Variants in FLACC1 observed in about 807,000 individuals in gnomAD.
The protein encoded by FLACC1 is flagellum associated containing coiled-coil domains 1.
FLACC1 carries 66 observed loss-of-function variants against 62.8 expected under a neutral mutation model. The ratio of observed to expected loss-of-function variants is 1.05; its 90% CI spans 0.86 to 1.29. FLACC1 has a LOEUF of 1.29. Among genes scored for constraint, FLACC1 ranks in the 50% most tolerant of loss-of-function variants. The probability of loss-of-function intolerance (pLI) is 0.00; values close to 1 mark genes in which losing one functional copy is unlikely to be tolerated. For synonymous variants in FLACC1, 156 were observed against 161.0 expected (o/e 0.97, Z 0.24); for missense variants, 452 against 489.1 (o/e 0.92, Z 0.71).
At chr2:201,356,376 T>C (rs1026569903) in intron 1 of FLACC1, among the ~76,000 whole-genome samples, 1 of 152,184 alleles carries the variant, frequency 6.6e-6, no homozygotes, top group Non-Finnish European at 1.5e-5. Context: ...GCCAGGCTGG[T>C]CTCAAACTCC....
At chr2:201,341,613 C>T (rs1279188070) in intron 7 of FLACC1, among the ~76,000 whole-genome samples, 2 of 151,402 alleles carry the variant, frequency 1.3e-5, no homozygotes, top group Admixed American at 6.6e-5. Flanking sequence ...TAGAGTGGAA[C>T]AAATTAACAT....
intron 9 of FLACC1, among the ~76,000 whole-genome samples, chr2:201,318,990 CAG>C (rs1408694721): frequency 1.3e-5 from 2 of 152,022 alleles, no homozygotes; most frequent in Non-Finnish European, 2.9e-5. Flanking sequence ...AAATTGAGTG[CAG>C]TGTATACTGC....
At chr2:201,306,277 GCTCA>G (rs1385629100) in intron 11 of FLACC1, among the ~76,000 whole-genome samples, 2 of 151,916 alleles carry the variant, frequency 1.3e-5, no homozygotes, top group Admixed American at 1.3e-4. Context: ...TCTTTTGAGA[GCTCA>G]CTCACTATCA....
rs1559402621 is a variant in FLACC1, at chr2:201,322,262, T to TA, written c.675+8207_675+8208insT. 5.8e-3 allele frequency among the ~76,000 whole-genome samples: 542 copies of TA among 93,218 alleles called. 2 individuals are homozygous for TA. The highest frequency in any genetic ancestry group is 0.018 in the African/African-American group (423 of 23,550). The allele number at this position is 93,218 out of a possible 152,430, so 61.2% of individuals were successfully genotyped here. A position where few individuals can be genotyped will look rare whatever the true frequency, so the allele number is the denominator to read the frequency against. On this transcript the variant is annotated intron_variant, in intron 9 of 14. Transcript: ENST00000392257. Reference sequence around the variant, plus strand: ...CTGGGCAACAGAGTGAGATTCAGCCTCAAAAAAAAAAAAGAAAAAAAAAAC... The same window carrying TA: ...CTGGGCAACAGAGTGAGATTCAGCCTACAAAAAAAAAAAAGAAAAAAAAAAC...
chr2:201,341,602 C>T (rs906085877), intron 7 of FLACC1, among the ~76,000 whole-genome samples: 1 of 151,400 alleles, frequency 6.6e-6, no homozygotes, highest in African/African-American at 2.4e-5. Flanking sequence ...AAAAAGTTTA[C>T]TAGAGTGGAA....
At chr2:201,337,871 T>C (rs963527875) in intron 7 of FLACC1, among the ~76,000 whole-genome samples, 8 of 152,300 alleles carry the variant, frequency 5.3e-5, no homozygotes, top group East Asian at 1.9e-4. Context: ...AGATTTTTTT[T>C]CCCCACAGGA....
Position 201,350,733 on chromosome 2 carries a change from T to C in FLACC1, c.163A>G (p.Thr55Ala), listed in dbSNP as rs1251151297. The C allele has an allele frequency of 6.2e-6, 10 of 1,607,242 alleles. No homozygotes were observed. The highest frequency in any genetic ancestry group is 5.1e-5 in the Admixed American group (3 of 59,360). Reference protein sequence around the residue: ...APKNHNYLQPTKPVVSPKMKI... With the variant: ...APKNHNYLQPAKPVVSPKMKI... The stretch of plus-strand genomic sequence containing the variant: ...TACTTTGGGGAAACAACAGGTTTTG[T>C]TGGTTGGAGGTAATTGTGATTTTTT... Residue 55 changes from threonine (T) to alanine (A), a missense_variant, in exon 3 of 15, where the codon ACA (threonine) becomes GCA (alanine). By Grantham distance (58) the Thr-to-Ala change is moderately conservative (BLOSUM62 0). This residue lies in a region of FLACC1 where 147 missense variants were observed against 152.7 expected (regional missense o/e 0.96). Coordinates refer to ENST00000392257, the MANE Select transcript of FLACC1 (RefSeq NM_001127391.3).
At chr2:201,321,043 G>A (rs762633498) in intron 9 of FLACC1, among the ~76,000 whole-genome samples, 3 of 152,174 alleles carry the variant, frequency 2.0e-5, no homozygotes, top group Non-Finnish European at 4.4e-5. Context: ...TCCTGAGTTT[G>A]TCCACATGAC....
chr2:201,330,905 G>T, intron 7 of FLACC1, 72 bp from the exon 8 acceptor site: 2 of 1,182,846 alleles, frequency 1.7e-6, no homozygotes, highest in South Asian at 1.5e-5. Context: ...ACCCTGATCT[G>T]ATCCTACCCT....
chr2:201,305,872 G>A (rs1460103294), intron 11 of FLACC1, among the ~76,000 whole-genome samples: 2 of 150,864 alleles, frequency 1.3e-5, no homozygotes, highest in African/African-American at 4.9e-5. Flanking sequence ...TTCGTAGGTA[G>A]GAAATGAACA....
rs769771945 is a variant in FLACC1, at chr2:201,344,160, G to C, written c.462+10C>G. 1 of 1,595,080 alleles carries C rather than the reference G, an allele frequency of 6.3e-7. No homozygotes were observed. Among genetic ancestry groups the C allele is most frequent in the Non-Finnish European group, 8.6e-7 (1 of 1,164,750 alleles). ...TCCATGAAGATGTTAGCTAATGTAA[G>C]GTCACTCACCAATTTCTGGGCAGAC... On this transcript the variant is annotated intron_variant, in intron 6 of 14. Coordinates refer to ENST00000392257, the MANE Select transcript of FLACC1 (RefSeq NM_001127391.3).
At chr2:201,293,206 G>C (rs148245669) in intron 12 of FLACC1, among the ~76,000 whole-genome samples, 1,603 of 152,112 alleles carry the variant, frequency 0.011, 33 homozygotes, top group African/African-American at 0.036. Flanking sequence ...CACCCCAAAT[G>C]AACAGAATAT....
intron 9 of FLACC1, among the ~76,000 whole-genome samples, chr2:201,315,396 A>G (rs1950290717): frequency 6.6e-6 from 1 of 152,194 alleles, no homozygotes; most frequent in Non-Finnish European, 1.5e-5. Flanking sequence ...AGCTAGCAGG[A>G]GTAGCTATTC....
chr2:201,323,784 C>CAAAAAAAAAAAAAAAAAAAAAAA (rs71022362), intron 9 of FLACC1, among the ~76,000 whole-genome samples: 4 of 52,752 alleles, frequency 7.6e-5, no homozygotes, highest in African/African-American at 2.0e-4. Context: ...CAGACTCTAT[C>CAAAAAAAAAAAAAAAAAAAAAAA]AAAAAAAAAA....
Position 201,289,461 on chromosome 2 carries a change from G to A in FLACC1, c.1138C>T (p.Leu380=). 6.2e-7 allele frequency: 1 copy of A among 1,613,894 alleles called. No individual in the cohort carries two copies. Among genetic ancestry groups the A allele is most frequent in the African/African-American group, 1.3e-5 (1 of 75,060 alleles). The change falls in exon 14 of 15, where the codon CTG becomes TTG. Residue 380 remains leucine (L), a synonymous_variant. Coordinates refer to ENST00000392257, the MANE Select transcript of FLACC1 (RefSeq NM_001127391.3). The stretch of plus-strand genomic sequence containing the variant: ...CTTTTTCAGCAGCAGCCGCACTTCA[G>A]ATGAATGTTCTCTTCCGTCAGGATC... ...IQILTEENIH[L]KQKIISKNEE... is the part of the protein sequence containing the mutation.
chr2:201,334,317 A>C (rs1265354805), intron 7 of FLACC1, among the ~76,000 whole-genome samples: 1 of 152,202 alleles, frequency 6.6e-6, no homozygotes, highest in East Asian at 1.9e-4. Flanking sequence ...CCAGGGGATC[A>C]GTCTCACTGG....
chr2:201,303,360 C>T (rs1048903095), intron 11 of FLACC1, among the ~76,000 whole-genome samples: 6 of 152,136 alleles, frequency 3.9e-5, no homozygotes, highest in African/African-American at 1.4e-4. Context: ...GACACATACA[C>T]CCTCCCAAGA....
intron 7 of FLACC1, among the ~76,000 whole-genome samples, chr2:201,338,367 C>T (rs1189374956): frequency 6.6e-6 from 1 of 152,158 alleles, no homozygotes; most frequent in Non-Finnish European, 1.5e-5. Flanking sequence ...TTGGCTTCCT[C>T]TTTTCCAATT....
At position 201,350,681 on chromosome 2, in the gene FLACC1, A is replaced by AAACAC. The variant is rs1553617225; in HGVS notation, c.185+29_185+30insGTGTT. 3.7e-6 allele frequency: 6 copies of AAACAC among 1,600,122 alleles called. No homozygotes were observed. In the South Asian group the frequency reaches 6.7e-5, roughly 18 times the overall value. On this transcript the variant is annotated intron_variant, in intron 3 of 14. Transcript: ENST00000392257. ...GGGCAACAGAGTGAGACTCCATCTC[A>AAACAC]AAAACAAAACAAAACAAAACAATAC...
Sources: allele counts gnomAD v4.1 joint callset (sites outside exome capture counted in the v4.1 genomes callset), GRCh38; gene constraint gnomAD v4.1.1; regional missense constraint gnomAD v4.1.1; transcripts MANE v1.5; gene names NCBI Gene and HGNC (gene_info 2026-07-23, HGNC 2026-07-21).